The following FN1 variants were observed in gnomAD, a reference collection of about 807,000 sequenced individuals.
The protein encoded by FN1 is fibronectin.
In FN1, 106 loss-of-function variants were observed where a neutral mutation model predicts 297.3. The ratio of observed to expected loss-of-function variants is 0.36; its 90% CI spans 0.30 to 0.42. The LOEUF is 0.42. Among genes scored for constraint, FN1 ranks in the 10% least tolerant of loss-of-function variants. The pLI, the probability that FN1 is intolerant of heterozygous loss-of-function variation, is 1.00. For missense variants in FN1, 2,690 were observed against 3,124.9 expected (o/e 0.86, Z 3.32); for synonymous variants, 1,149 against 1,152.6 (o/e 1.00, Z 0.06).
intron 39 of FN1, among the ~76,000 whole-genome samples, chr2:215,372,834 A>G (rs553112554): frequency 2.6e-5 from 4 of 152,326 alleles, no homozygotes; most frequent in Middle Eastern, 3.4e-3. Context: ...AAAATAGATA[A>G]AACACACATG....
chr2:215,419,102 A>G, intron 12 of FN1, 140 bp downstream of exon 12: 1 of 684,206 alleles, frequency 1.5e-6, no homozygotes, highest in Non-Finnish European at 2.6e-6. Context: ...CAAAAATTCA[A>G]TTGATTATTA....
Position 215,372,366 on chromosome 2 carries a change from G to A in FN1, c.6257C>T (p.Pro2086Leu). Residue 2086 changes from proline (P) to leucine (L), a missense_variant, in exon 40 of 46, where the codon CCC becomes CTC. Transcript: ENST00000354785. ...LIGRKKTDEL[P>L]QLVTLPHPNL... ...GGGGTGTGGAAGGGTTACCAGTTGG[G>A]GAAGCTCGTCTAGCCGAGAGAGGTT... The A allele has an allele frequency of 6.2e-7, 1 of 1,614,126 alleles. No individual in the cohort carries two copies. The highest frequency in any genetic ancestry group is 8.5e-7 in the Non-Finnish European group (1 of 1,179,980).
Position 215,435,828 on chromosome 2 carries a change from C to T in FN1, c.-26G>A. On this transcript the variant is annotated 5_prime_UTR_variant, in exon 1 of 46. Coordinates refer to ENST00000354785, the MANE Select transcript of FN1 (RefSeq NM_212482.4). ...GTTGAGACGGTGGGGGAGAGACGCC[C>T]GCACCGGGAGGCAAGTTGCCACCAA... 1 of 1,522,206 alleles carries T rather than the reference C, an allele frequency of 6.6e-7. No individual in the cohort carries two copies. Among genetic ancestry groups the T allele is most frequent in the Non-Finnish European group, 8.8e-7 (1 of 1,136,622 alleles). The allele number at this position is 1,522,206 out of a possible 1,614,324, so 94.3% of individuals were successfully genotyped here.
intron 32 of FN1, chr2:215,381,389 A>T: frequency 2.4e-6 from 1 of 417,050 alleles, no homozygotes; most frequent in Non-Finnish European, 4.4e-6. Context: ...TTACAATGTG[A>T]TGTTAGTCTC....
At chr2:215,371,670 C>G (rs2056159078) in intron 40 of FN1, among the ~76,000 whole-genome samples, 1 of 116,240 alleles carries the variant, frequency 8.6e-6, no homozygotes, top group South Asian at 3.3e-4. Flanking sequence ...AAAAGTGGAG[C>G]CACTTTTTTT....
In FN1 at chr2:215,393,161, T is replaced by C. The variant is rs762795027; in HGVS notation, c.3839A>G (p.Asp1280Gly). 1 of 1,613,864 alleles carries C rather than the reference T, an allele frequency of 6.2e-7. No homozygotes were observed. The highest frequency in any genetic ancestry group is 1.1e-5 in the South Asian group (1 of 91,062). The change falls in exon 25 of 46, where the codon GAT becomes GGT. Residue 1280 changes from aspartate to glycine, a missense_variant. Transcript: ENST00000354785. ...LTDLSFVDIT[D>G]SSIGLRWTPL... Reference sequence around the variant, plus strand: ...GGTCCACCTCAGGCCGATGCTTGAATCGGTTATATCAACAAAGCTTAGGTC... The same window carrying C: ...GGTCCACCTCAGGCCGATGCTTGAACCGGTTATATCAACAAAGCTTAGGTC...
At position 215,399,484 on chromosome 2, in the gene FN1, CATTGGGTGAGA is replaced by C. The variant is rs986914866; in HGVS notation, c.3254-144_3254-134del. 35 of 682,096 alleles carry C rather than the reference CATTGGGTGAGA, an allele frequency of 5.1e-5. No individual in the cohort carries two copies. In the African/African-American group the frequency reaches 5.5e-4, roughly 11 times the overall value. 42.3% of individuals were successfully genotyped at this position (682,096 alleles called of 1,614,324 possible). A position where few individuals can be genotyped will look rare whatever the true frequency, so the allele number is the denominator to read the frequency against. ...GGATAGAGGATGTAACATATTTTTT[CATTGGGTGAGA>C]ATTGGGAGAGGATCAGGCTTCTCAA... On this transcript the variant is annotated intron_variant, in intron 20 of 45. Coordinates refer to ENST00000354785, the MANE Select transcript of FN1 (RefSeq NM_212482.4).
chr2:215,385,221 G>A (rs1327395229), intron 28 of FN1, among the ~76,000 whole-genome samples: 5 of 143,122 alleles, frequency 3.5e-5, no homozygotes, highest in Non-Finnish European at 7.5e-5. Context: ...CATTTTATTT[G>A]GAAAAATTTC....
intron 28 of FN1, among the ~76,000 whole-genome samples, chr2:215,385,956 T>A (rs1482896575): frequency 6.6e-6 from 1 of 151,596 alleles, no homozygotes; most frequent in South Asian, 2.1e-4. Context: ...TTTTGTATTT[T>A]TAGTAGAGAC....
At chr2:215,394,382 A>G in intron 24 of FN1, 146 bp downstream of exon 24, 1 of 756,882 alleles carries the variant, frequency 1.3e-6, no homozygotes, top group Non-Finnish European at 2.4e-6. Context: ...CGCTGCTTTG[A>G]CTTCTTGGTT....
chr2:215,392,792 C>T, intron 25 of FN1, 139 bp downstream of exon 25: 5 of 922,420 alleles, frequency 5.4e-6, no homozygotes, highest in East Asian at 2.5e-5. Flanking sequence ...CATTTGATTC[C>T]TTATCCCCCC....
intron 11 of FN1, 112 bp downstream of exon 11, chr2:215,420,561 G>T: frequency 2.2e-6 from 3 of 1,365,548 alleles, no homozygotes; most frequent in South Asian, 1.2e-5. Context: ...GCAAGCAACT[G>T]ATCAAAGTCT....
In FN1 at chr2:215,382,197, G is replaced by T. The variant is rs368897522; in HGVS notation, c.5164+15C>A. 1.7e-4 allele frequency: 267 copies of T among 1,558,774 alleles called. 2 individuals are homozygous for T. The South Asian group carries it at 2.3e-3, about 13-fold the overall frequency. On this transcript the variant is annotated intron_variant, in intron 32 of 45. Coordinates refer to ENST00000354785, the MANE Select transcript of FN1 (RefSeq NM_212482.4). Reference sequence around the variant, plus strand: ...ATTTGACTTTGAAAATGGAAACCAAGCAGTGGTTACGTACTGGTTACTGCA... The same window carrying T: ...ATTTGACTTTGAAAATGGAAACCAATCAGTGGTTACGTACTGGTTACTGCA...
intron 44 of FN1, chr2:215,362,357 C>T (rs1190456418): frequency 4.5e-6 from 2 of 444,328 alleles, no homozygotes; most frequent in Non-Finnish European, 8.3e-6. Flanking sequence ...TCTGCTGAGG[C>T]TCATTCCAAT....
chr2:215,386,466 T>C (rs1034335778), intron 28 of FN1, among the ~76,000 whole-genome samples: 2 of 151,952 alleles, frequency 1.3e-5, no homozygotes, highest in Admixed American at 1.3e-4. Flanking sequence ...AAAAAAATTA[T>C]CTTCTTTACT....
In FN1 at chr2:215,372,355, T is replaced by C; in HGVS notation, c.6268A>G (p.Thr2090Ala). Residue 2090 changes from threonine (T) to alanine (A), a missense_variant, in exon 40 of 46, where the codon ACC (threonine) becomes GCC (alanine). Physicochemically the swap from Thr to Ala is moderately conservative, Grantham distance 58. Around this residue, in one of 3 missense-constraint regions of FN1, gnomAD observed 1,743 missense variants for 1,945.2 expected, o/e 0.90. Coordinates refer to ENST00000354785, the MANE Select transcript of FN1 (RefSeq NM_212482.4). The stretch of plus-strand genomic sequence containing the variant: ...CCATGAAGATTGGGGTGTGGAAGGG[T>C]TACCAGTTGGGGAAGCTCGTCTAGC... The part of the protein sequence containing the change: ...KKTDELPQLV[T>A]LPHPNLHGPE... The C allele has an allele frequency of 1.2e-6, 2 of 1,614,100 alleles. No individual in the cohort carries two copies. Among genetic ancestry groups the C allele is most frequent in the Non-Finnish European group, 1.7e-6 (2 of 1,179,994 alleles).
intron 13 of FN1, 46 bp from the exon 14 acceptor site, chr2:215,410,160 CAAGGATGA>C: frequency 6.7e-7 from 1 of 1,503,034 alleles, no homozygotes; most frequent in Non-Finnish European, 9.1e-7. Flanking sequence ...CACGTGTTTA[CAAGGATGA>C]ACATTTGAAG....
rs78792206 is a variant in FN1, at chr2:215,408,221, A to G, written c.2429-24T>C. On this transcript the variant is annotated intron_variant, in intron 16 of 45. Coordinates refer to ENST00000354785, the MANE Select transcript of FN1 (RefSeq NM_212482.4). ...CGCTAAGAAAGAAAGAAAGTGGGGCAAACAGTCAGGAAGTGCTACTACAGG... is the reference window on the plus strand; with the variant it reads ...CGCTAAGAAAGAAAGAAAGTGGGGCGAACAGTCAGGAAGTGCTACTACAGG... 2,031 of 1,612,850 alleles carry G rather than the reference A, an allele frequency of 1.3e-3. 18 individuals are homozygous for G. The African/African-American group carries it at 0.023, about 18-fold the overall frequency.
intron 20 of FN1, among the ~76,000 whole-genome samples, chr2:215,400,102 C>T (rs902641309): frequency 5.9e-5 from 9 of 151,862 alleles, no homozygotes; most frequent in African/African-American, 2.2e-4. Context: ...ACACAAGAAT[C>T]GCTTGAACCC....
Sources: gnomAD v4.1 joint callset for allele counts (sites outside exome capture counted in the v4.1 genomes callset) on GRCh38, gnomAD v4.1.1 for gene constraint, gnomAD v4.1.1 regional missense constraint, MANE v1.5 for transcripts, NCBI Gene and HGNC (gene_info 2026-07-23, HGNC 2026-07-21) for gene names.